Variants in SLC33A2 observed in about 807,000 individuals in gnomAD.
The protein encoded by SLC33A2 is solute carrier family 33 member 2.
At chr8:144,509,332 C>A in the SLC33A2 span, 63 of 1,460,470 alleles carry the variant, frequency 4.3e-5, no homozygotes, top group African/African-American at 5.6e-4. Context: ...GCCTGAGCCG[C>A]CATGCGCGGG....
the SLC33A2 span, chr8:144,510,984 C>T: frequency 3.1e-6 from 5 of 1,600,028 alleles, no homozygotes; most frequent in Middle Eastern, 1.6e-4. Flanking sequence ...ACCCCCACCC[C>T]CCTCAGGCCA....
the SLC33A2 span, chr8:144,510,019 AGT>A: frequency 2.5e-6 from 4 of 1,592,168 alleles, no homozygotes; most frequent in African/African-American, 1.3e-5. Context: ...AAGCTGGGTG[AGT>A]GAGGCCTCGA....
the SLC33A2 span, chr8:144,509,782 C>G: frequency 2.6e-6 from 4 of 1,554,222 alleles, no homozygotes; most frequent in Non-Finnish European, 3.5e-6. Flanking sequence ...GCCGCGCTAG[C>G]TGGGGGCGCG....
chr8:144,511,184 C>T, the SLC33A2 span: 58 of 1,602,354 alleles, frequency 3.6e-5, no homozygotes, highest in Admixed American at 9.4e-4. Flanking sequence ...CTGGAGTGGT[C>T]AATAAAGCCA....
At chr8:144,509,854 A>T in the SLC33A2 span, 2 of 1,538,406 alleles carry the variant, frequency 1.3e-6, no homozygotes, top group Non-Finnish European at 1.7e-6. Flanking sequence ...GCTGCCACCT[A>T]CTGGCTGGCC....
chr8:144,510,109 G>C, the SLC33A2 span: 1 of 1,423,062 alleles, frequency 7.0e-7, no homozygotes, highest in South Asian at 1.3e-5. Flanking sequence ...ACAGGGCCAC[G>C]CTCTTTCTGG....
the SLC33A2 span, chr8:144,509,119 C>G: frequency 2.1e-6 from 1 of 476,756 alleles, no homozygotes; most frequent in South Asian, 4.6e-5. Flanking sequence ...CCGCTCGCCC[C>G]CGTTTGGACC....
At chr8:144,511,154 C>T in the SLC33A2 span, 2 of 1,609,936 alleles carry the variant, frequency 1.2e-6, no homozygotes, top group Non-Finnish European at 1.7e-6. Flanking sequence ...GCACCCAGCA[C>T]CTTTCTCTGA....
At chr8:144,509,611 G>T in the SLC33A2 span, 1 of 1,553,878 alleles carries the variant, frequency 6.4e-7, no homozygotes, top group Non-Finnish European at 8.6e-7. Flanking sequence ...CCTGGAGCTG[G>T]CCAGGCCGGG....
At chr8:144,509,229 A>G in the SLC33A2 span, 4 of 1,214,794 alleles carry the variant, frequency 3.3e-6, no homozygotes, top group Non-Finnish European at 4.4e-6. Flanking sequence ...CCCAGAACCA[A>G]AGCCATGCCG....
At chr8:144,509,883 G>A in the SLC33A2 span, 2 of 1,546,442 alleles carry the variant, frequency 1.3e-6, no homozygotes, top group Non-Finnish European at 8.7e-7. Context: ...GGCCTGGGCT[G>A]CACCAGCCCT....
chr8:144,510,364 G>A, the SLC33A2 span: 47 of 1,611,934 alleles, frequency 2.9e-5, no homozygotes, highest in South Asian at 5.1e-4. Context: ...CCCAAGGTGA[G>A]CAGGGTGCCA....
At chr8:144,509,699 G>A in the SLC33A2 span, 5 of 1,565,714 alleles carry the variant, frequency 3.2e-6, no homozygotes, top group Non-Finnish European at 3.4e-6. Flanking sequence ...TGGACGCGCT[G>A]GCTGTGCAGC....
chr8:144,510,908 G>C, the SLC33A2 span: 118 of 1,603,938 alleles, frequency 7.4e-5, 2 homozygotes, highest in African/African-American at 4.9e-4. Context: ...CTGCAGGTGA[G>C]TAGATGTAGC....
the SLC33A2 span, chr8:144,511,001 A>ACCC: frequency 6.2e-7 from 1 of 1,601,236 alleles, no homozygotes; most frequent in Non-Finnish European, 8.5e-7. Flanking sequence ...GCCACACACT[A>ACCC]CAGCCTTCTG....
At chr8:144,510,050 G>A in the SLC33A2 span, 2 of 1,572,358 alleles carry the variant, frequency 1.3e-6, no homozygotes, top group South Asian at 1.1e-5. Context: ...ACAGCAGTTG[G>A]GGCTTCCGGG....
At chr8:144,509,078 T>TGCCGGGAGCC in the SLC33A2 span, 2 of 428,006 alleles carry the variant, frequency 4.7e-6, no homozygotes, top group African/African-American at 2.1e-5. Flanking sequence ...GCGCAGAGCA[T>TGCCGGGAGCC]GCCGGGAGCC....
the SLC33A2 span, chr8:144,509,243 T>C: frequency 7.8e-7 from 1 of 1,280,370 alleles, no homozygotes; most frequent in African/African-American, 1.6e-5. Context: ...CATGCCGGGG[T>C]GTGGCCTCTG....
At chr8:144,509,955 G>A in the SLC33A2 span, 2 of 1,595,134 alleles carry the variant, frequency 1.3e-6, no homozygotes, top group Non-Finnish European at 1.7e-6. Flanking sequence ...CCTTCTGCGG[G>A]ACGTGCTAGC....
Sources: gnomAD v4.1 joint callset for allele counts on GRCh38, gnomAD v4.1.1 for gene constraint, MANE v1.5 for transcripts, NCBI Gene and HGNC (gene_info 2026-07-23, HGNC 2026-07-21) for gene names.